Variants in NIPAL1 observed in about 807,000 individuals in gnomAD.
NIPAL1 encodes magnesium transporter NIPA3.
A neutral mutation model predicts 37.7 loss-of-function variants in NIPAL1; 35 were observed. The observed-to-expected ratio is 0.93, with a 90% CI of 0.71 to 1.23. NIPAL1 has a LOEUF of 1.23. Ranked by LOEUF, NIPAL1 falls within the 50% of genes most tolerant of loss-of-function variation. The pLI, the probability that NIPAL1 is intolerant of heterozygous loss-of-function variation, is 0.00. For missense variants in NIPAL1, 412 were observed against 473.9 expected, an observed-to-expected ratio of 0.87 and a Z score of 1.21; for synonymous variants, 162 against 183.0, an observed-to-expected ratio of 0.89 and a Z score of 0.93.
chr4:48,020,829 AT>A (rs1388745638), intron 1 of NIPAL1, among the ~76,000 whole-genome samples: 2 of 152,228 alleles, frequency 1.3e-5, no homozygotes, highest in Non-Finnish European at 2.9e-5. Context: ...AGTAGAATAG[AT>A]GGTGAGACCC....
At chr4:48,018,047 A>G (rs1018112620) in intron 1 of NIPAL1, among the ~76,000 whole-genome samples, 17 of 152,152 alleles carry the variant, frequency 1.1e-4, no homozygotes, top group African/African-American at 3.6e-4. Context: ...ACAATTCACA[A>G]GCTATTAAAA....
chr4:48,029,723 G>A (rs1048779602), intron 2 of NIPAL1, among the ~76,000 whole-genome samples: 2 of 152,104 alleles, frequency 1.3e-5, no homozygotes, highest in African/African-American at 4.8e-5. Context: ...CTTTTCTGGA[G>A]GGCAATTTGG....
rs1191799010 is a variant in NIPAL1 at position 48,037,372 on chromosome 4, A to AT, written c.*1208dup. ...TTCAGCTTTGGAGTCACTTATGTTCATTTTTTTTCCTTTTCTTTTACTATT... is the reference window on the plus strand; with the variant it reads ...TTCAGCTTTGGAGTCACTTATGTTCATTTTTTTTTCCTTTTCTTTTACTATT... On this transcript the variant is annotated 3_prime_UTR_variant, in exon 6 of 6. Transcript: ENST00000295461. The AT allele has an allele frequency of 6.2e-5, 19 of 308,590 alleles. No homozygotes were observed. Among genetic ancestry groups the AT allele is most frequent in the South Asian group, 1.8e-4 (7 of 39,130 alleles). 19.1% of individuals were successfully genotyped at this position (308,590 alleles called of 1,614,324 possible).
intron 1 of NIPAL1, among the ~76,000 whole-genome samples, chr4:48,024,243 TGCTGGGATTACA>T (rs1715637145): frequency 6.6e-6 from 1 of 152,144 alleles, no homozygotes; most frequent in Non-Finnish European, 1.5e-5. Context: ...CCACCCAAAG[TGCTGGGATTACA>T]GCCATAATGC....
At chr4:48,024,104 C>A (rs1715632837) in intron 1 of NIPAL1, among the ~76,000 whole-genome samples, 1 of 151,474 alleles carries the variant, frequency 6.6e-6, no homozygotes, top group Non-Finnish European at 1.5e-5. Flanking sequence ...TCCAGAGTAG[C>A]TGGGACTATA....
rs4695328 is a variant in NIPAL1, at chr4:48,028,272, G to T, written c.314-1848G>T. Reference sequence around the variant, plus strand: ...AATAGAGAACCCAGAAATAAAGCCAGATACCTACAACCAACTGATCTTTGA... The same window carrying T: ...AATAGAGAACCCAGAAATAAAGCCATATACCTACAACCAACTGATCTTTGA... On this transcript the variant is annotated intron_variant, in intron 2 of 5. Coordinates refer to ENST00000295461, the MANE Select transcript of NIPAL1 (RefSeq NM_207330.3). Among the ~76,000 whole-genome samples, 35 of 151,976 alleles carry T rather than the reference G, an allele frequency of 2.3e-4. No homozygotes were observed. The South Asian group carries it at 6.7e-3, about 29-fold the overall frequency.
chr4:48,023,165 C>T (rs1312158645), intron 1 of NIPAL1, among the ~76,000 whole-genome samples: 1 of 152,178 alleles, frequency 6.6e-6, no homozygotes, highest in South Asian at 2.1e-4. Context: ...TAGCCTCTGC[C>T]TCCCTAAGTG....
chr4:48,034,838 G>T, intron 4 of NIPAL1, 43 bp from the exon 5 acceptor site: 1 of 1,496,018 alleles, frequency 6.7e-7, no homozygotes, highest in Non-Finnish European at 9.3e-7. Flanking sequence ...GGATCAAAAG[G>T]TAATTGAGCT....
At position 48,035,692 on chromosome 4, in the gene NIPAL1, T is replaced by G; in HGVS notation, c.753T>G (p.Val251=). The change falls in exon 6 of 6, where the codon GTT becomes GTG. Residue 251 remains valine, a synonymous_variant. Transcript: ENST00000295461. ...GTTCCTTGATTGGAGCGTTTTCAGT[T>G]TCTTCTGTGAAAGGCCTGGGAATTG... ...SICSLIGAFS[V]SSVKGLGIAI... 6.2e-7 allele frequency: 1 copy of G among 1,614,090 alleles called. No homozygotes were observed. Among genetic ancestry groups the G allele is most frequent in the Non-Finnish European group, 8.5e-7 (1 of 1,180,006 alleles).
chr4:48,031,774 TGTC>T (rs1715824321), intron 3 of NIPAL1, among the ~76,000 whole-genome samples: 1 of 152,178 alleles, frequency 6.6e-6, no homozygotes, highest in Non-Finnish European at 1.5e-5. Flanking sequence ...GTCTCGCTCT[TGTC>T]GTCCAGGCTG....
At position 48,036,211 on chromosome 4, in the gene NIPAL1, C is replaced by T. The variant is rs752935961; in HGVS notation, c.*39C>T. On this transcript the variant is annotated 3_prime_UTR_variant, in exon 6 of 6. Coordinates refer to ENST00000295461, the MANE Select transcript of NIPAL1 (RefSeq NM_207330.3). ...ACTGAGTTTTAACCAATATGAGACA[C>T]ACGAAGAGGAAAATGAATGCTTGCT... The T allele has an allele frequency of 5.2e-6, 8 of 1,530,170 alleles. No homozygotes were observed. The Admixed American group carries it at 7.2e-5, about 14-fold the overall frequency. The allele number at this position is 1,530,170 out of a possible 1,614,324, so 94.8% of individuals were successfully genotyped here.
At chr4:48,028,547 A>G (rs1715744847) in intron 2 of NIPAL1, among the ~76,000 whole-genome samples, 1 of 152,172 alleles carries the variant, frequency 6.6e-6, no homozygotes, top group Non-Finnish European at 1.5e-5. Context: ...CTCAAAAGGA[A>G]ATGCAACAAA....
chr4:48,034,382 C>G (rs547320595), intron 4 of NIPAL1, among the ~76,000 whole-genome samples: 35 of 152,180 alleles, frequency 2.3e-4, no homozygotes, highest in Admixed American at 1.5e-3. Context: ...TTGCCCAAGA[C>G]AATTCTTCCA....
intron 1 of NIPAL1, among the ~76,000 whole-genome samples, chr4:48,024,744 A>C (rs1360996638): frequency 4.6e-5 from 7 of 152,210 alleles, no homozygotes; most frequent in Admixed American, 4.6e-4. Flanking sequence ...CTGAACAGCT[A>C]TTCGCTGCTC....
chr4:48,030,259 C>G lies in NIPAL1; in HGVS notation c.370+83C>G, dbSNP rs970157590. 65 of 875,118 alleles carry G rather than the reference C, an allele frequency of 7.4e-5. 1 individual carries two copies. The South Asian group carries it at 9.0e-4, about 12-fold the overall frequency. 54.2% of individuals were successfully genotyped at this position (875,118 alleles called of 1,614,324 possible). A position where few individuals can be genotyped will look rare whatever the true frequency, so the allele number is the denominator to read the frequency against. ...AAATTTTTCATAATTGGTTAATCTT[C>G]CTGTCAAGAATGGAACAAGGATGGA... On this transcript the variant is annotated intron_variant, in intron 3 of 5. Transcript: ENST00000295461.
rs1292663722 is a variant in NIPAL1, at chr4:48,030,104, A to G, written c.314-16A>G. ...TAGAACCCATTTTTTGTTAATTTTT[A>G]CTTTTTGTATTTTAGGACAAGGTGG... On this transcript the variant is annotated splice_polypyrimidine_tract_variant and intron_variant, in intron 2 of 5. Coordinates refer to ENST00000295461, the MANE Select transcript of NIPAL1 (RefSeq NM_207330.3). The G allele has an allele frequency of 1.9e-6, 3 of 1,559,590 alleles. No individual in the cohort carries two copies. The highest frequency in any genetic ancestry group is 2.7e-5 in the African/African-American group (2 of 73,840).
At chr4:48,021,777 T>C (rs1310272048) in intron 1 of NIPAL1, among the ~76,000 whole-genome samples, 1 of 151,994 alleles carries the variant, frequency 6.6e-6, no homozygotes, top group Non-Finnish European at 1.5e-5. Context: ...TCAAGATATA[T>C]GGAGAAAATC....
intron 2 of NIPAL1, among the ~76,000 whole-genome samples, chr4:48,028,898 T>C (rs984827674): frequency 1.3e-5 from 2 of 152,200 alleles, no homozygotes; most frequent in Admixed American, 6.5e-5. Flanking sequence ...ATGGCTATTA[T>C]TAACAAGTCA....
rs540363174 is a variant in NIPAL1 at position 48,038,125 on chromosome 4, A to G, written c.*1953A>G. The G allele has an allele frequency of 2.0e-4, 31 of 152,278 alleles. No individual in the cohort carries two copies. Among genetic ancestry groups the G allele is most frequent in the African/African-American group, 7.2e-4 (30 of 41,552 alleles). 9.4% of individuals were successfully genotyped at this position (152,278 alleles called of 1,614,324 possible). A position where few individuals can be genotyped will look rare whatever the true frequency, so the allele number is the denominator to read the frequency against. ...ACAATGACTGATGTTCACAATGACA[A>G]CCTACCTGAGATGGCTGCAAGGCCC... On this transcript the variant is annotated 3_prime_UTR_variant, in exon 6 of 6. Coordinates refer to ENST00000295461, the MANE Select transcript of NIPAL1 (RefSeq NM_207330.3).
Sources: allele counts gnomAD v4.1 joint callset (sites outside exome capture counted in the v4.1 genomes callset), GRCh38; gene constraint gnomAD v4.1.1; transcripts MANE v1.5; gene names NCBI Gene and HGNC (gene_info 2026-07-23, HGNC 2026-07-21).